RCAN1: variants seen among roughly 807,000 people sequenced by gnomAD.
RCAN1 encodes calcipressin-1.
Under a neutral mutation model 22.9 loss-of-function variants are expected in RCAN1, and 11 were observed. The ratio of observed to expected loss-of-function variants is 0.48; its 90% CI spans 0.30 to 0.79. RCAN1 has a LOEUF of 0.79. Among genes scored for constraint, RCAN1 ranks in the 30% least tolerant of loss-of-function variants. The pLI, the probability that RCAN1 is intolerant of heterozygous loss-of-function variation, is 0.06. For missense variants in RCAN1, 291 were observed against 337.8 expected (o/e 0.86, Z 1.09); for synonymous variants, 136 against 142.3 (o/e 0.96, Z 0.32).
At chr21:34,536,384 C>G (rs1985672540) in intron 1 of RCAN1, among the ~76,000 whole-genome samples, 1 of 152,214 alleles carries the variant, frequency 6.6e-6, no homozygotes, top group Admixed American at 6.5e-5. Flanking sequence ...CAGCAAAAAC[C>G]TGGGGAAGAA....
At chr21:34,531,890 A>G (rs1055091352) in intron 1 of RCAN1, among the ~76,000 whole-genome samples, 2 of 152,038 alleles carry the variant, frequency 1.3e-5, no homozygotes, top group African/African-American at 4.8e-5. Context: ...CCAGGAAGCC[A>G]ACAATGACCC....
rs1001100040 is a variant in RCAN1 at position 34,580,912 on chromosome 21, C to T, written c.252+33848G>A. ...ATGGATGCTGTAAATCAAGGCAAAGCACAGGCAGGCAGGCAACACAGGGGA... is the reference window on the plus strand; with the variant it reads ...ATGGATGCTGTAAATCAAGGCAAAGTACAGGCAGGCAGGCAACACAGGGGA... On this transcript the variant is annotated intron_variant, in intron 1 of 3. Coordinates refer to ENST00000313806, the MANE Select transcript of RCAN1 (RefSeq NM_004414.7). Among the ~76,000 whole-genome samples the T allele has an allele frequency of 5.4e-4, 82 of 152,222 alleles. 1 individual carries two copies. Among genetic ancestry groups the T allele is most frequent in the African/African-American group, 1.9e-3 (77 of 41,538 alleles).
At chr21:34,567,007 G>C (rs1984304) in intron 1 of RCAN1, among the ~76,000 whole-genome samples, 105,790 of 152,048 alleles carry the variant, frequency 0.7, 37,125 homozygotes, top group South Asian at 0.78. Flanking sequence ...GATCACATTT[G>C]AACATGACAT....
Position 34,587,608 on chromosome 21 carries a change from T to C in RCAN1, c.252+27152A>G, listed in dbSNP as rs187641652. The stretch of plus-strand genomic sequence containing the variant: ...TACTATAACCAAGGAAAAGTGAATA[T>C]ATATATGTTAAAATACATGTAGGAG... On this transcript the variant is annotated intron_variant, in intron 1 of 3. Coordinates refer to ENST00000313806, the MANE Select transcript of RCAN1 (RefSeq NM_004414.7). Among the ~76,000 whole-genome samples, 614 of 152,248 alleles carry C rather than the reference T, an allele frequency of 4.0e-3. 3 individuals carry two copies. The highest frequency in any genetic ancestry group is 0.014 in the African/African-American group (583 of 41,542).
intron 1 of RCAN1, chr21:34,525,416 T>G (rs1170513265): frequency 7.0e-7 from 1 of 1,420,764 alleles, no homozygotes. Flanking sequence ...AGAGTTCATC[T>G]GGCCGCCTCT....
At chr21:34,592,448 AC>A (rs1162377519) in intron 1 of RCAN1, among the ~76,000 whole-genome samples, 1 of 152,158 alleles carries the variant, frequency 6.6e-6, no homozygotes, top group Non-Finnish European at 1.5e-5. Context: ...CTGAACATAA[AC>A]ACTGGTCAGG....
At chr21:34,523,168 A>G (rs988908265) in intron 2 of RCAN1, 5 of 216,286 alleles carry the variant, frequency 2.3e-5, no homozygotes, top group South Asian at 1.5e-4. Context: ...TGCTCAGTCT[A>G]GAGTGGGTCA....
At chr21:34,561,794 T>C (rs1288326255) in intron 1 of RCAN1, among the ~76,000 whole-genome samples, 1 of 152,194 alleles carries the variant, frequency 6.6e-6, no homozygotes, top group Non-Finnish European at 1.5e-5. Flanking sequence ...TCAAGAATAT[T>C]CCGTCAATAT....
intron 1 of RCAN1, among the ~76,000 whole-genome samples, chr21:34,609,178 G>A (rs904721933): frequency 6.6e-6 from 1 of 152,168 alleles, no homozygotes; most frequent in Non-Finnish European, 1.5e-5. Context: ...CCCAAGAAGA[G>A]ACATTTTTAC....
chr21:34,533,112 C>T (rs1021323591), intron 1 of RCAN1, among the ~76,000 whole-genome samples: 4 of 151,796 alleles, frequency 2.6e-5, no homozygotes, highest in East Asian at 3.9e-4. Context: ...AGGTGCCCGC[C>T]ACCACGCCCG....
At chr21:34,595,722 G>A (rs1364596916) in intron 1 of RCAN1, among the ~76,000 whole-genome samples, 3 of 152,186 alleles carry the variant, frequency 2.0e-5, no homozygotes, top group South Asian at 2.1e-4. Context: ...TGCCTTCGCC[G>A]GCCACTGGAA....
chr21:34,520,876 A>G (rs1984460342), intron 3 of RCAN1, among the ~76,000 whole-genome samples: 1 of 152,206 alleles, frequency 6.6e-6, no homozygotes, highest in East Asian at 1.9e-4. Context: ...TTGGACAAAG[A>G]GCCTGAGGAA....
intron 1 of RCAN1, chr21:34,526,999 C>T (rs1026420033): frequency 1.8e-4 from 237 of 1,289,054 alleles, no homozygotes; most frequent in Non-Finnish European, 2.3e-4. Context: ...AAAGAGGTGA[C>T]GTCAACACCT....
At chr21:34,587,702 C>G (rs531075499) in intron 1 of RCAN1, among the ~76,000 whole-genome samples, 1 of 152,216 alleles carries the variant, frequency 6.6e-6, no homozygotes, top group African/African-American at 2.4e-5. Flanking sequence ...TATATTCACA[C>G]CACAGAATAG....
At chr21:34,548,882 T>C (rs779393547) in intron 1 of RCAN1, among the ~76,000 whole-genome samples, 3 of 152,210 alleles carry the variant, frequency 2.0e-5, no homozygotes, top group African/African-American at 7.2e-5. Context: ...CCAGAATATA[T>C]AGCAATTAGA....
intron 1 of RCAN1, among the ~76,000 whole-genome samples, chr21:34,580,444 G>A (rs79912469): frequency 3.9e-5 from 6 of 152,220 alleles, no homozygotes; most frequent in African/African-American, 7.2e-5. Flanking sequence ...AGGGTTGAAT[G>A]AGTGAGGAAT....
Position 34,518,104 on chromosome 21 carries a change from T to A in RCAN1, c.739A>T (p.Thr247Ser), listed in dbSNP as rs148579976. The A allele has an allele frequency of 2.4e-5, 38 of 1,614,106 alleles. No homozygotes were observed. The highest frequency in any genetic ancestry group is 3.1e-5 in the Non-Finnish European group (36 of 1,180,050). Residue 247 changes from threonine (T) to serine (S), a missense_variant, in exon 4 of 4, where the codon ACG (threonine) becomes TCG (serine). Thr to Ser is a moderately conservative substitution (Grantham distance 58). Coordinates refer to ENST00000313806, the MANE Select transcript of RCAN1 (RefSeq NM_004414.7). The surrounding 1 kb of genome is among the most constrained non-coding windows in gnomAD (Gnocchi z 4.2). Reference sequence around the variant, plus strand: ...CCAGTTCAGCTGAGGTGGATCGGCGTGTACTCCGGCCTCCTGGTCTGGATA... The same window carrying A: ...CCAGTTCAGCTGAGGTGGATCGGCGAGTACTCCGGCCTCCTGGTCTGGATA... ...KIIQTRRPEY[T>S]PIHLS is the part of the protein sequence containing the mutation.
chr21:34,521,107 A>G, intron 3 of RCAN1: 1 of 1,268,356 alleles, frequency 7.9e-7, no homozygotes. Flanking sequence ...ATTAAAAATA[A>G]CATTTCTTAA....
Position 34,575,038 on chromosome 21 carries a change from T to C in RCAN1, c.252+39722A>G, listed in dbSNP as rs148217601. ...CGGGCAGATGGGAATCAAGAAGAAATGGGAGGAAACTCACAACTGCAAAAT... is the reference window on the plus strand; with the variant it reads ...CGGGCAGATGGGAATCAAGAAGAAACGGGAGGAAACTCACAACTGCAAAAT... On this transcript the variant is annotated intron_variant, in intron 1 of 3. Coordinates refer to ENST00000313806, the MANE Select transcript of RCAN1 (RefSeq NM_004414.7). Among the ~76,000 whole-genome samples the C allele has an allele frequency of 2.2e-4, 34 of 152,260 alleles. 1 individual carries two copies. The East Asian group carries it at 6.4e-3, about 29-fold the overall frequency.
Sources: allele counts gnomAD v4.1 joint callset (sites outside exome capture counted in the v4.1 genomes callset), GRCh38; gene constraint gnomAD v4.1.1; non-coding constraint Gnocchi (gnomAD v3.1); transcripts MANE v1.5; gene names NCBI Gene and HGNC (gene_info 2026-07-23, HGNC 2026-07-21).